Variants in SCN2A observed in about 807,000 individuals in gnomAD.
SCN2A encodes sodium channel protein type 2 subunit alpha.
SCN2A carries 20 observed loss-of-function variants against 188.7 expected under a neutral mutation model. The observed-to-expected ratio is 0.11, with a 90% CI of 0.07 to 0.15. The LOEUF is 0.15. Ranked by LOEUF, SCN2A falls within the 10% of genes least tolerant of loss-of-function variation. The pLI, the probability that SCN2A is intolerant of heterozygous loss-of-function variation, is 1.00. For synonymous variants in SCN2A, 804 were observed against 833.1 expected (o/e 0.97, Z 0.60); for missense variants, 1,278 against 2,445.0 (o/e 0.52, Z 10.07).
chr2:165,323,473 C>T lies in SCN2A; in HGVS notation c.1989C>T (p.Leu663=). The change falls in exon 12 of 27, where the codon CTC becomes CTT. Residue 663 remains leucine, a synonymous_variant. Coordinates refer to ENST00000375437, the MANE Select transcript of SCN2A (RefSeq NM_001040142.2). The part of the protein sequence containing the change: ...VVSLVGGPST[L]TSAGQLLPEG... ...CCCTGGTCGGGGGCCCTTCTACCCT[C>T]ACATCTGCTGGGCAGCTCCTACCAG... 1 of 1,613,638 alleles carries T rather than the reference C, an allele frequency of 6.2e-7. No homozygotes were observed. Among genetic ancestry groups the T allele is most frequent in the Non-Finnish European group, 8.5e-7 (1 of 1,179,798 alleles).
intron 5 of SCN2A, chr2:165,309,043 C>A: frequency 8.5e-7 from 1 of 1,172,742 alleles, no homozygotes; most frequent in Middle Eastern, 2.7e-4. Flanking sequence ...GATGACAATG[C>A]CATTTTCCTC....
intron 10 of SCN2A, among the ~76,000 whole-genome samples, 154 bp from the exon 11 acceptor site, chr2:165,315,317 G>T (rs1022427723): frequency 6.6e-6 from 1 of 152,096 alleles, no homozygotes; most frequent in Non-Finnish European, 1.5e-5. Context: ...TCTTTGATTG[G>T]TCTAATAACA....
intron 16 of SCN2A, among the ~76,000 whole-genome samples, chr2:165,347,905 C>T (rs1275410283): frequency 1.3e-5 from 2 of 152,058 alleles, no homozygotes; most frequent in Non-Finnish European, 2.9e-5. Flanking sequence ...CCATCCCAAA[C>T]AAGGAAACAA....
intron 9 of SCN2A, 41 bp from the exon 10 acceptor site, chr2:165,313,861 T>A: frequency 6.2e-7 from 1 of 1,611,800 alleles, no homozygotes; most frequent in Non-Finnish European, 8.5e-7. Flanking sequence ...GTTTGTAACA[T>A]CCTATATAAA....
At chr2:165,296,478 G>C (rs1696516999) in intron 2 of SCN2A, 1 of 250,946 alleles carries the variant, frequency 4.0e-6, no homozygotes, top group Non-Finnish European at 7.8e-6. Flanking sequence ...TGCAGGAGTA[G>C]TATCTAAATT....
chr2:165,299,446 C>A (rs902735473), intron 3 of SCN2A, among the ~76,000 whole-genome samples: 1 of 152,146 alleles, frequency 6.6e-6, no homozygotes, highest in African/African-American at 2.4e-5. Context: ...GGCTTAGAGT[C>A]ACAAATTTAT....
At chr2:165,253,328 A>T (rs1042420439) in intron 1 of SCN2A, among the ~76,000 whole-genome samples, 1 of 152,060 alleles carries the variant, frequency 6.6e-6, no homozygotes, top group Non-Finnish European at 1.5e-5. Context: ...AGACTTTGAC[A>T]GTTCTGTTTC....
At chr2:165,261,605 C>T (rs1264194351) in intron 1 of SCN2A, among the ~76,000 whole-genome samples, 1 of 152,190 alleles carries the variant, frequency 6.6e-6, no homozygotes, top group East Asian at 1.9e-4. Context: ...AAGTGGGGTA[C>T]ACCAATGAGT....
intron 16 of SCN2A, 128 bp from the exon 17 acceptor site, chr2:165,354,064 A>G (rs1700063379): frequency 9.0e-7 from 1 of 1,114,286 alleles, no homozygotes; most frequent in Non-Finnish European, 1.4e-6. Flanking sequence ...AGAATAGTGT[A>G]TCATGAATTA....
intron 14 of SCN2A, among the ~76,000 whole-genome samples, chr2:165,332,589 T>C (rs1698751185): frequency 6.6e-6 from 1 of 152,068 alleles, no homozygotes; most frequent in African/African-American, 2.4e-5. Flanking sequence ...TTTCAGAGAC[T>C]ATCATAAGCT....
At chr2:165,302,748 G>A (rs1324165989) in intron 3 of SCN2A, among the ~76,000 whole-genome samples, 3 of 152,114 alleles carry the variant, frequency 2.0e-5, no homozygotes, top group Non-Finnish European at 4.4e-5. Flanking sequence ...AAATCTCATG[G>A]TGCTTCATCC....
At chr2:165,275,667 G>C (rs1559331188) in intron 1 of SCN2A, among the ~76,000 whole-genome samples, 1 of 152,122 alleles carries the variant, frequency 6.6e-6, no homozygotes, top group African/African-American at 2.4e-5. Flanking sequence ...CTATATGTAA[G>C]AGCTTGAAAG....
rs1457454456 is a variant in SCN2A, at chr2:165,389,227, C to G, written c.5421C>G (p.Pro1807=). 1.9e-6 allele frequency: 3 copies of G among 1,613,906 alleles called. No individual in the cohort carries two copies. The highest frequency in any genetic ancestry group is 3.3e-5 in the Admixed American group (2 of 59,964). The stretch of plus-strand genomic sequence containing the variant: ...ATGAGGTTTGGGAGAAGTTTGATCC[C>G]GATGCGACCCAGTTTATAGAGTTTG... ...MFYEVWEKFD[P]DATQFIEFAK... is the part of the protein sequence containing the mutation. Residue 1807 remains proline, a synonymous_variant, in exon 27 of 27, where the codon CCC becomes CCG. Coordinates refer to ENST00000375437, the MANE Select transcript of SCN2A (RefSeq NM_001040142.2). This position sits in a 1 kb window ranked among gnomAD's most constrained non-coding sequence, Gnocchi z 4.2.
chr2:165,390,240 A>G lies in SCN2A; in HGVS notation c.*416A>G, dbSNP rs911409280. 6.1e-5 allele frequency: 12 copies of G among 195,610 alleles called. No individual in the cohort carries two copies. Among genetic ancestry groups the G allele is most frequent in the Non-Finnish European group, 1.1e-4 (10 of 93,816 alleles). The allele number at this position is 195,610 out of a possible 1,614,324, so 12.1% of individuals were successfully genotyped here. On this transcript the variant is annotated 3_prime_UTR_variant, in exon 27 of 27. Coordinates refer to ENST00000375437, the MANE Select transcript of SCN2A (RefSeq NM_001040142.2). Reference sequence around the variant, plus strand: ...ACAAAACGTGTGCTGTGAATTTATCACTTTTCTTTTTAATTCACAGGTTGT... The same window carrying G: ...ACAAAACGTGTGCTGTGAATTTATCGCTTTTCTTTTTAATTCACAGGTTGT...
At chr2:165,273,397 C>G (rs964942285) in intron 1 of SCN2A, 1 of 152,000 alleles carries the variant, frequency 6.6e-6, no homozygotes, top group Non-Finnish European at 1.5e-5. Context: ...TTGGGAGGCC[C>G]CCTTCCAAAC....
intron 17 of SCN2A, among the ~76,000 whole-genome samples, chr2:165,358,205 A>G (rs944192070): frequency 6.6e-6 from 1 of 152,140 alleles, no homozygotes; most frequent in Non-Finnish European, 1.5e-5. Flanking sequence ...CTCTTTGAAA[A>G]CTTGCAAAAA....
At chr2:165,319,732 G>A (rs1697972263) in intron 11 of SCN2A, among the ~76,000 whole-genome samples, 1 of 152,182 alleles carries the variant, frequency 6.6e-6, no homozygotes, top group Admixed American at 6.5e-5. Flanking sequence ...CAGATCTCAT[G>A]AGACCCATTC....
intron 1 of SCN2A, among the ~76,000 whole-genome samples, chr2:165,249,989 A>G (rs1359293867): frequency 6.6e-6 from 1 of 152,016 alleles, no homozygotes; most frequent in Admixed American, 6.6e-5. Flanking sequence ...AATCTAACTC[A>G]AACGTCACTT....
rs371760901 is a variant in SCN2A, at chr2:165,265,183, G to A, written c.-52+25543G>A. On this transcript the variant is annotated intron_variant, in intron 1 of 26. Coordinates refer to ENST00000375437, the MANE Select transcript of SCN2A (RefSeq NM_001040142.2). ...ATAGCTATTCTGACTGGTGTGAGATGGTATCTCTTTGTGGTTTTGATTTGC... is the reference window on the plus strand; with the variant it reads ...ATAGCTATTCTGACTGGTGTGAGATAGTATCTCTTTGTGGTTTTGATTTGC... Among the ~76,000 whole-genome samples the A allele has an allele frequency of 1.9e-4, 29 of 151,694 alleles. No individual in the cohort carries two copies. In the East Asian group the frequency reaches 4.9e-3, roughly 25 times the overall value.
Sources: gnomAD v4.1 joint callset for allele counts (sites outside exome capture counted in the v4.1 genomes callset) on GRCh38, gnomAD v4.1.1 for gene constraint, Gnocchi (gnomAD v3.1) non-coding constraint, MANE v1.5 for transcripts, NCBI Gene and HGNC (gene_info 2026-07-23, HGNC 2026-07-21) for gene names.